The following PDXDC1 variants were observed in gnomAD, a reference collection of about 807,000 sequenced individuals.
The protein encoded by PDXDC1 is pyridoxal dependent decarboxylase domain containing 1, also known as pyridoxal-dependent decarboxylase domain-containing protein 1.
In PDXDC1, 42 loss-of-function variants were observed where a neutral mutation model predicts 100.1. That is an observed-to-expected ratio of 0.42 (90% confidence interval 0.33 to 0.54). The LOEUF (loss-of-function observed/expected upper bound fraction) is 0.54, where lower values mean the gene tolerates loss of function less well. PDXDC1 is among the 20% of genes least tolerant of loss of function. PDXDC1 has a pLI of 0.10. For missense variants in PDXDC1, 636 were observed against 979.2 expected, an observed-to-expected ratio of 0.65 and a Z score of 4.68; for synonymous variants, 260 against 371.7, an observed-to-expected ratio of 0.70 and a Z score of 3.46.
chr16:15,087,999 A>G (rs2045975643), intron 16 of PDXDC1, among the ~76,000 whole-genome samples: 1 of 152,148 alleles, frequency 6.6e-6, no homozygotes, highest in South Asian at 2.1e-4. Flanking sequence ...CCGTAATCCC[A>G]GCTACTCGGG....
intron 16 of PDXDC1, chr16:15,060,673 T>A (rs1211343189): frequency 6.6e-6 from 1 of 152,400 alleles, no homozygotes; most frequent in African/African-American, 2.4e-5. Context: ...AGACTTCCTC[T>A]GTTTAGTTAT....
chr16:15,096,674 A>G (rs1322206750), intron 16 of PDXDC1, among the ~76,000 whole-genome samples: 2 of 152,244 alleles, frequency 1.3e-5, no homozygotes, highest in East Asian at 1.9e-4. Flanking sequence ...CAATCTGACA[A>G]TTATCTGTTT....
In PDXDC1 at chr16:15,075,621, G is replaced by C. The variant is rs576044706; in HGVS notation, c.1399+45565G>C. ...AGAAAGAAATGCAGACACCTTTCCA[G>C]GCAGGGGTCTCATTCAGGGATGTGA... is the stretch of plus-strand genomic sequence containing the variant. On this transcript the variant is annotated intron_variant, in intron 16 of 16. Transcript: ENST00000535621. Among the ~76,000 whole-genome samples, 177 of 152,194 alleles carry C rather than the reference G, an allele frequency of 1.2e-3. 1 individual carries two copies. Among genetic ancestry groups the C allele is most frequent in the African/African-American group, 4.0e-3 (167 of 41,502 alleles).
intron 1 of PDXDC1, among the ~76,000 whole-genome samples, chr16:14,981,811 ATT>A (rs1354883648): frequency 1.3e-5 from 2 of 151,240 alleles, no homozygotes; most frequent in Non-Finnish European, 2.9e-5. Context: ...ACTGTTGGGT[ATT>A]TTTGTCCTTT....
At chr16:15,123,574 C>G (rs963341319) in intron 16 of PDXDC1, 1 of 658,770 alleles carries the variant, frequency 1.5e-6, no homozygotes, top group Non-Finnish European at 2.7e-6. Context: ...CAACCTGTAT[C>G]TCAGGAACAA....
chr16:14,988,997 C>G, intron 1 of PDXDC1: 1 of 1,614,208 alleles, frequency 6.2e-7, no homozygotes, highest in Non-Finnish European at 8.5e-7. Flanking sequence ...TCGACTCCAT[C>G]TGGTCTCGCT....
rs201121208 is a variant in PDXDC1, at chr16:15,104,441, G to A, written c.1400-34438G>A. On this transcript the variant is annotated intron_variant, in intron 16 of 16. Transcript: ENST00000535621. ...GAGATTATCATCCGCTGAGGGTGGA[G>A]CTGAGGGTGGAAGGGGAGTGAGCAG... 2,005 of 1,099,482 alleles carry A rather than the reference G, an allele frequency of 1.8e-3. 82 individuals carry two copies. Among genetic ancestry groups the A allele is most frequent in the South Asian group, 4.6e-3 (254 of 54,738 alleles). 68.1% of individuals were successfully genotyped at this position (1,099,482 alleles called of 1,614,324 possible).
At chr16:14,987,658 C>G (rs1193940595) in intron 1 of PDXDC1, among the ~76,000 whole-genome samples, 2 of 152,292 alleles carry the variant, frequency 1.3e-5, no homozygotes, top group Non-Finnish European at 2.9e-5. Flanking sequence ...GTCGCCTAGG[C>G]TGGAGTGCAG....
At chr16:15,061,767 A>G in intron 16 of PDXDC1, 1 of 1,613,836 alleles carries the variant, frequency 6.2e-7, no homozygotes, top group Non-Finnish European at 8.5e-7. Context: ...GGTTGCATGT[A>G]CAACACGGGT....
chr16:15,122,237 T>C (rs2047458219), intron 16 of PDXDC1, among the ~76,000 whole-genome samples: 1 of 151,472 alleles, frequency 6.6e-6, no homozygotes, highest in Non-Finnish European at 1.5e-5. Context: ...TTTGTTTTGG[T>C]CCGTTTTGTT....
intron 16 of PDXDC1, among the ~76,000 whole-genome samples, chr16:15,069,040 T>G (rs1354039590): frequency 1.3e-5 from 2 of 152,218 alleles, no homozygotes. Context: ...ACTTACCTTG[T>G]GATAAAACCT....
intron 1 of PDXDC1, among the ~76,000 whole-genome samples, chr16:14,992,095 A>G (rs1187036607): frequency 6.6e-6 from 1 of 152,290 alleles, no homozygotes; most frequent in East Asian, 1.9e-4. Context: ...AAAACAATTC[A>G]CAGTAAAGGG....
chr16:15,086,179 G>C, intron 16 of PDXDC1: 2 of 1,601,854 alleles, frequency 1.2e-6, no homozygotes, highest in Non-Finnish European at 8.5e-7. Flanking sequence ...GAGGAAAACA[G>C]TCTGTGCTGA....
chr16:15,104,485 T>C (rs1424319249), intron 16 of PDXDC1: 1 of 1,387,566 alleles, frequency 7.2e-7, no homozygotes. Context: ...GGGAGGTGTC[T>C]TGAGATTATC....
At chr16:15,078,255 C>T (rs1180701270) in intron 16 of PDXDC1, among the ~76,000 whole-genome samples, 2 of 152,194 alleles carry the variant, frequency 1.3e-5, no homozygotes, top group Non-Finnish European at 1.5e-5. Flanking sequence ...TTCCATCTTC[C>T]TGCTTTCCTA....
chr16:15,001,302 A>G (rs1662248599), intron 3 of PDXDC1, among the ~76,000 whole-genome samples: 1 of 152,270 alleles, frequency 6.6e-6, no homozygotes, highest in Non-Finnish European at 1.5e-5. Context: ...CAGTCTGGCC[A>G]ACATGGTGAA....
chr16:15,038,660 C>T, downstream of PDXDC1: 1 of 1,598,438 alleles, frequency 6.3e-7, no homozygotes, highest in Non-Finnish European at 8.6e-7. Context: ...CGAAGTTGTT[C>T]TGTCTCTGCA....
chr16:15,133,388 C>G (rs1555482878), intron 16 of PDXDC1: 1 of 1,067,422 alleles, frequency 9.4e-7, no homozygotes, highest in East Asian at 2.5e-5. Context: ...CCCCATTGCG[C>G]TGCCGTTGGG....
chr16:15,099,055 T>C (rs1422900495), intron 16 of PDXDC1, among the ~76,000 whole-genome samples: 1 of 152,146 alleles, frequency 6.6e-6, no homozygotes, highest in Non-Finnish European at 1.5e-5. Context: ...CAGCTCCTTA[T>C]TTTCCCAAAG....
Sources: gnomAD v4.1 joint callset for allele counts (sites outside exome capture counted in the v4.1 genomes callset) on GRCh38, gnomAD v4.1.1 for gene constraint, MANE v1.5 for transcripts, NCBI Gene and HGNC (gene_info 2026-07-23, HGNC 2026-07-21) for gene names.